IGDCC3: variants seen among roughly 807,000 people sequenced by gnomAD.
The protein encoded by IGDCC3 is putative neuronal cell adhesion molecule.
In IGDCC3, 47 loss-of-function variants were observed where a neutral mutation model predicts 72.0. The observed-to-expected ratio is 0.65, with a 90% CI of 0.52 to 0.83. The LOEUF (loss-of-function observed/expected upper bound fraction) is 0.83, where lower values mean the gene tolerates loss of function less well. IGDCC3 is among the 40% of genes least tolerant of loss of function. The pLI, the probability that IGDCC3 is intolerant of heterozygous loss-of-function variation, is 0.00. For synonymous variants in IGDCC3, 477 were observed against 472.8 expected, an observed-to-expected ratio of 1.01 and a Z score of -0.11; for missense variants, 1,038 against 1,091.3, an observed-to-expected ratio of 0.95 and a Z score of 0.69.
intron 1 of IGDCC3, 40 bp from the exon 2 acceptor site, chr15:65,375,442 T>C (rs894570021): frequency 6.7e-7 from 1 of 1,503,452 alleles, no homozygotes. Context: ...ATAGGGGTGT[T>C]AGTATGAAAT....
chr15:65,366,713 C>T (rs994861577), intron 2 of IGDCC3, among the ~76,000 whole-genome samples: 7 of 152,186 alleles, frequency 4.6e-5, no homozygotes, highest in Admixed American at 4.6e-4. Flanking sequence ...ATTAAGCCCA[C>T]CCCGGCCCCT....
chr15:65,341,116 T>C (rs2091077445), intron 2 of IGDCC3, among the ~76,000 whole-genome samples: 2 of 152,116 alleles, frequency 1.3e-5, no homozygotes, highest in Non-Finnish European at 2.9e-5. Context: ...AAATACACAT[T>C]GGATTGTGAA....
At position 65,346,710 on chromosome 15, in the gene IGDCC3, C is replaced by T. The variant is rs546872817; in HGVS notation, c.410-10754G>A. On this transcript the variant is annotated intron_variant, in intron 2 of 13. Transcript: ENST00000327987. ...CTGACCTCAGGTGATCCGCCTGCCT[C>T]GGCCTCCCAAAGTGCTGGGATTATA... is the stretch of plus-strand genomic sequence containing the variant. Among the ~76,000 whole-genome samples the T allele has an allele frequency of 7.2e-5, 11 of 152,228 alleles. No individual in the cohort carries two copies. In the South Asian group the frequency reaches 1.9e-3, roughly 26 times the overall value.
Position 65,368,160 on chromosome 15 carries a change from T to TCACACACA in IGDCC3, c.409+6929_409+6936dup, listed in dbSNP as rs57451250. Among the ~76,000 whole-genome samples the TCACACACA allele has an allele frequency of 6.7e-3, 986 of 146,290 alleles. 14 individuals are homozygous for TCACACACA. Among genetic ancestry groups the TCACACACA allele is most frequent in the African/African-American group, 0.024 (921 of 38,888 alleles). On this transcript the variant is annotated intron_variant, in intron 2 of 13. Transcript: ENST00000327987. ...CTGTGGAAAACTCTCTCTCTTTCAC[T>TCACACACA]CACACACACACACACACACACACAC... is the stretch of plus-strand genomic sequence containing the variant.
intron 2 of IGDCC3, among the ~76,000 whole-genome samples, chr15:65,357,094 C>T (rs968484734): frequency 5.3e-5 from 8 of 151,780 alleles, no homozygotes; most frequent in Non-Finnish European, 8.8e-5. Context: ...TTAGGCAATC[C>T]GCCCACCTCA....
chr15:65,355,656 T>TCCCACC, intron 2 of IGDCC3: 2 of 211,730 alleles, frequency 9.4e-6, no homozygotes, highest in Non-Finnish European at 1.9e-5. Flanking sequence ...GACGCGGGCG[T>TCCCACC]CCCGCCCCCC....
At position 65,330,702 on chromosome 15, in the gene IGDCC3, C is replaced by T. The variant is rs757435983; in HGVS notation, c.1601G>A (p.Ser534Asn). The T allele has an allele frequency of 1.2e-6, 2 of 1,612,706 alleles. No individual in the cohort carries two copies. The highest frequency in any genetic ancestry group is 4.5e-5 in the East Asian group (2 of 44,866). Residue 534 changes from serine to asparagine, a missense_variant, in exon 10 of 14, where the codon AGC (serine) becomes AAC (asparagine). Coordinates refer to ENST00000327987, the MANE Select transcript of IGDCC3 (RefSeq NM_004884.4). Reference protein sequence around the residue: ...PPPLSVRVLGSSSLQLLWEPW... With the variant: ...PPPLSVRVLGNSSLQLLWEPW... ...CTCCCACAGCAGCTGCAAGGAGGAG[C>T]TGCCCAGGACTCGCACTGACAGTGG...
chr15:65,344,202 G>C (rs1269827626), intron 2 of IGDCC3, among the ~76,000 whole-genome samples: 1 of 152,198 alleles, frequency 6.6e-6, no homozygotes, highest in Admixed American at 6.5e-5. Flanking sequence ...GAAGATGGGT[G>C]TCTGGCATTT....
At chr15:65,370,562 A>G (rs1406923843) in intron 2 of IGDCC3, among the ~76,000 whole-genome samples, 1 of 128,622 alleles carries the variant, frequency 7.8e-6, no homozygotes, top group Non-Finnish European at 1.6e-5. Flanking sequence ...GTGTGTGTAT[A>G]TATATATGTA....
At chr15:65,331,907 C>A in intron 7 of IGDCC3, 34 bp downstream of exon 7, 2 of 1,596,960 alleles carry the variant, frequency 1.3e-6, no homozygotes, top group South Asian at 2.2e-5. Context: ...CTGCTCTCCC[C>A]TGGTCCTCAC....
intron 2 of IGDCC3, among the ~76,000 whole-genome samples, chr15:65,368,178 A>T (rs1306786279): frequency 1.3e-5 from 2 of 151,200 alleles, no homozygotes; most frequent in African/African-American, 4.9e-5. Flanking sequence ...ACACACACAC[A>T]CACACACACA....
intron 2 of IGDCC3, among the ~76,000 whole-genome samples, chr15:65,358,352 TGCCTTA>T (rs1342654176): frequency 3.3e-5 from 5 of 152,108 alleles, no homozygotes; most frequent in African/African-American, 1.2e-4. Flanking sequence ...GTGATCTGCC[TGCCTTA>T]GCCTTCCAAA....
intron 2 of IGDCC3, among the ~76,000 whole-genome samples, chr15:65,340,469 G>A (rs572641562): frequency 3.3e-5 from 5 of 152,218 alleles, no homozygotes; most frequent in Middle Eastern, 3.4e-3. Context: ...CTGAGGTGCC[G>A]GCTGTCCCCA....
At chr15:65,335,739 G>T in intron 3 of IGDCC3, 73 bp downstream of exon 3, 1 of 1,562,158 alleles carries the variant, frequency 6.4e-7, no homozygotes, top group Non-Finnish European at 8.8e-7. Flanking sequence ...AGAGCCGCGG[G>T]CCATCCTTCT....
chr15:65,361,609 C>T (rs1253588589), intron 2 of IGDCC3, among the ~76,000 whole-genome samples: 1 of 90,816 alleles, frequency 1.1e-5, no homozygotes, highest in African/African-American at 5.1e-5. Flanking sequence ...ATATCCCCTC[C>T]CACGCTGACC....
At chr15:65,355,678 C>CCCAA in intron 2 of IGDCC3, 5 of 299,226 alleles carry the variant, frequency 1.7e-5, no homozygotes, top group South Asian at 2.4e-5. Flanking sequence ...GCCCCTCCCG[C>CCCAA]ATAGCAATAG....
intron 2 of IGDCC3, among the ~76,000 whole-genome samples, chr15:65,357,441 G>A (rs2091231478): frequency 6.6e-6 from 1 of 152,134 alleles, no homozygotes; most frequent in Non-Finnish European, 1.5e-5. Context: ...ATTTTCTAAT[G>A]TCCATGTCAC....
chr15:65,362,398 A>C (rs1174671059), intron 2 of IGDCC3, among the ~76,000 whole-genome samples: 2 of 152,154 alleles, frequency 1.3e-5, no homozygotes, highest in African/African-American at 4.8e-5. Flanking sequence ...TCATGGTGTC[A>C]GGGTCAAGTC....
chr15:65,344,759 G>A (rs1175396940), intron 2 of IGDCC3, among the ~76,000 whole-genome samples: 5 of 152,196 alleles, frequency 3.3e-5, no homozygotes, highest in African/African-American at 1.2e-4. Flanking sequence ...GGAGGCTCCA[G>A]TTCTTCCTCC....
Sources: gnomAD v4.1 joint callset for allele counts (sites outside exome capture counted in the v4.1 genomes callset) on GRCh38, gnomAD v4.1.1 for gene constraint, MANE v1.5 for transcripts, NCBI Gene and HGNC (gene_info 2026-07-23, HGNC 2026-07-21) for gene names.